GRK7: variants seen among roughly 807,000 people sequenced by gnomAD.
GRK7 encodes G protein-coupled receptor kinase 7.
GRK7 carries 24 observed loss-of-function variants against 34.1 expected under a neutral mutation model. That is an observed-to-expected ratio of 0.70 (90% CI 0.51 to 0.99). GRK7 has a LOEUF of 0.99. GRK7 is among the 50% of genes least tolerant of loss of function. The pLI is 0.00. For missense variants in GRK7, 644 were observed against 707.3 expected (o/e 0.91, Z 1.02); for synonymous variants, 256 against 279.4 (o/e 0.92, Z 0.84).
intron 4 of GRK7, among the ~76,000 whole-genome samples, chr3:141,795,336 A>G (rs1559844813): frequency 1.3e-5 from 2 of 152,200 alleles, no homozygotes; most frequent in Non-Finnish European, 2.9e-5. Context: ...GATACTGCCA[A>G]ACATCTTACA....
intron 5 of GRK7, among the ~76,000 whole-genome samples, chr3:141,815,744 T>C (rs1160086921): frequency 1.7e-4 from 23 of 139,124 alleles, no homozygotes; most frequent in Admixed American, 8.8e-4. Flanking sequence ...ATCACTGGCC[T>C]TGGGAAAGCC....
intron 4 of GRK7, among the ~76,000 whole-genome samples, chr3:141,785,006 C>T (rs2084688699): frequency 6.6e-6 from 1 of 152,236 alleles, no homozygotes; most frequent in African/African-American, 2.4e-5. Context: ...CAATAAGACT[C>T]TCATCCTCTC....
At chr3:141,775,403 AAAG>A (rs2084634843) in intron 2 of GRK7, among the ~76,000 whole-genome samples, 1 of 152,190 alleles carries the variant, frequency 6.6e-6, no homozygotes, top group South Asian at 2.1e-4. Context: ...GTCTAAAAAA[AAAG>A]AAAAGAAAAG....
At chr3:141,793,030 C>G (rs73872337) in intron 4 of GRK7, among the ~76,000 whole-genome samples, 3,856 of 152,312 alleles carry the variant, frequency 0.025, 176 homozygotes, top group African/African-American at 0.089. Context: ...CTCACCCCAG[C>G]TCCATGGGGA....
intron 5 of GRK7, among the ~76,000 whole-genome samples, chr3:141,809,989 T>C (rs1207854284): frequency 6.6e-6 from 1 of 152,200 alleles, no homozygotes; most frequent in Non-Finnish European, 1.5e-5. Context: ...TCAAATATTA[T>C]TGAGATATTT....
chr3:141,752,290 G>T, the GRK7 span, among the ~76,000 whole-genome samples: 1 of 152,132 alleles, frequency 6.6e-6, no homozygotes, highest in Admixed American at 6.5e-5. Flanking sequence ...TATAGCATTG[G>T]TTCTCAACCA....
In GRK7 at chr3:141,780,582, G is replaced by A. The variant is rs1440256634; in HGVS notation, c.821G>A (p.Gly274Glu). ...CTTGTCATGAGCCTGATGAATGGGGGAGACCTCAAGTTCCACATCTACAAC... is the reference window on the plus strand; with the variant it reads ...CTTGTCATGAGCCTGATGAATGGGGAAGACCTCAAGTTCCACATCTACAAC... ...LCLVMSLMNG[G>E]DLKFHIYNVG... The change falls in exon 4 of 6, where the codon GGA becomes GAA. Residue 274 changes from glycine to glutamate, a missense_variant. Physicochemically the swap from Gly to Glu is moderately conservative, Grantham distance 98. Coordinates refer to ENST00000682958, the MANE Select transcript of GRK7 (RefSeq NM_139209.3). 3 of 1,614,240 alleles carry A rather than the reference G, an allele frequency of 1.9e-6. No homozygotes were observed. The highest frequency in any genetic ancestry group is 2.2e-5 in the East Asian group (1 of 44,884).
the GRK7 span, among the ~76,000 whole-genome samples, chr3:141,751,720 G>T: frequency 1.3e-5 from 2 of 152,154 alleles, no homozygotes; most frequent in African/African-American, 4.8e-5. Context: ...GCCACATGTA[G>T]CTATGTAAAA....
intron 4 of GRK7, among the ~76,000 whole-genome samples, chr3:141,804,858 C>G (rs1711010208): frequency 1.3e-5 from 2 of 151,662 alleles, no homozygotes; most frequent in South Asian, 4.2e-4. Context: ...CACATACACG[C>G]TCTCATACAC....
chr3:141,765,312 GA>G lies in GRK7; in HGVS notation c.-640del, dbSNP rs2084575671. On this transcript the variant is annotated 5_prime_UTR_variant, in exon 1 of 6. An upstream open reading frame in the 5' UTR loses its in-frame stop. Transcript: ENST00000682958. ...CACGCCCTTACCTTCAGGAGGTCTT[GA>G]CTCTCATCATTTTCTCAATTCAGTC... 6.6e-6 allele frequency among the ~76,000 whole-genome samples: 1 copy of G among 152,142 alleles called. No homozygotes were observed. Among genetic ancestry groups the G allele is most frequent in the Admixed American group, 6.5e-5 (1 of 15,280 alleles).
chr3:141,787,317 G>C (rs2084701013), intron 4 of GRK7, among the ~76,000 whole-genome samples: 2 of 152,100 alleles, frequency 1.3e-5, no homozygotes, highest in Admixed American at 1.3e-4. Flanking sequence ...AATATTGTAG[G>C]GTAGCATCAA....
At position 141,780,606 on chromosome 3, in the gene GRK7, A is replaced by G; in HGVS notation, c.845A>G (p.Asn282Ser). 1 of 1,614,160 alleles carries G rather than the reference A, an allele frequency of 6.2e-7. No individual in the cohort carries two copies. The highest frequency in any genetic ancestry group is 8.5e-7 in the Non-Finnish European group (1 of 1,180,030). The change falls in exon 4 of 6, where the codon AAC (asparagine) becomes AGC (serine). Residue 282 changes from asparagine (N) to serine (S), a missense_variant. By Grantham distance (46) the Asn-to-Ser change is conservative. Transcript: ENST00000682958. Reference protein sequence around the residue: ...NGGDLKFHIYNVGTRGLDMSR... With the variant: ...NGGDLKFHIYSVGTRGLDMSR... ...GGAGACCTCAAGTTCCACATCTACAACGTGGGCACGCGTGGCCTGGACATG... is the reference window on the plus strand; with the variant it reads ...GGAGACCTCAAGTTCCACATCTACAGCGTGGGCACGCGTGGCCTGGACATG...
At chr3:141,769,898 A>G (rs79498632) in intron 1 of GRK7, among the ~76,000 whole-genome samples, 8,230 of 152,052 alleles carry the variant, frequency 0.054, 237 homozygotes, top group South Asian at 0.087. Flanking sequence ...TTTTTGAAAA[A>G]CCAACAAGGT....
upstream of GRK7, among the ~76,000 whole-genome samples, chr3:141,763,015 C>T (rs1218626191): frequency 4.6e-5 from 7 of 152,246 alleles, no homozygotes; most frequent in Non-Finnish European, 5.9e-5. Context: ...CACTGGCCTG[C>T]GCCCACTGTC....
intron 4 of GRK7, among the ~76,000 whole-genome samples, chr3:141,798,463 A>C (rs142458485): frequency 2.2e-3 from 339 of 152,298 alleles, no homozygotes; most frequent in African/African-American, 7.5e-3. Flanking sequence ...ATACACACAC[A>C]CACACCCACA....
chr3:141,771,797 G>A lies in GRK7; in HGVS notation c.-214-2783G>A, dbSNP rs1230519021. The stretch of plus-strand genomic sequence containing the variant: ...CCTCCTGGGTTCAAGCAATTCTTCT[G>A]TCTCAGCCTCCCAAGTAGCTGGGAT... On this transcript the variant is annotated intron_variant, in intron 1 of 5. Coordinates refer to ENST00000682958, the MANE Select transcript of GRK7 (RefSeq NM_139209.3). Among the ~76,000 whole-genome samples the A allele has an allele frequency of 2.0e-4, 30 of 151,928 alleles. 1 individual carries two copies. Among genetic ancestry groups the A allele is most frequent in the Admixed American group, 2.0e-3 (30 of 15,242 alleles).
At chr3:141,784,195 G>A (rs2084685211) in intron 4 of GRK7, among the ~76,000 whole-genome samples, 2 of 152,248 alleles carry the variant, frequency 1.3e-5, no homozygotes, top group Middle Eastern at 6.8e-3. Flanking sequence ...TGGCTCCCGG[G>A]TGCAGCTCTC....
In GRK7 at chr3:141,773,605, G is replaced by A. The variant is rs183130735; in HGVS notation, c.-214-975G>A. Among the ~76,000 whole-genome samples, 398 of 152,136 alleles carry A rather than the reference G, an allele frequency of 2.6e-3. 1 individual carries two copies. The highest frequency in any genetic ancestry group is 8.2e-3 in the African/African-American group (342 of 41,494). The stretch of plus-strand genomic sequence containing the variant: ...CGGCTCACTGCAAGCTCCACCTCCC[G>A]GGGTTTCACCGTGTTAGCCAGGATG... On this transcript the variant is annotated intron_variant, in intron 1 of 5. Coordinates refer to ENST00000682958, the MANE Select transcript of GRK7 (RefSeq NM_139209.3).
chr3:141,787,822 A>AC (rs1364347454), intron 4 of GRK7, among the ~76,000 whole-genome samples: 1 of 148,382 alleles, frequency 6.7e-6, no homozygotes, highest in African/African-American at 2.6e-5. Flanking sequence ...AGTCTAGGCA[A>AC]CATAGCAAGA....
Sources: allele counts gnomAD v4.1 joint callset (sites outside exome capture counted in the v4.1 genomes callset), GRCh38; gene constraint gnomAD v4.1.1; transcripts MANE v1.5; gene names NCBI Gene and HGNC (gene_info 2026-07-23, HGNC 2026-07-21).